FRYL: variants seen among roughly 807,000 people sequenced by gnomAD.
FRYL encodes the protein FRY like transcription coactivator.
A neutral mutation model predicts 351.2 loss-of-function variants in FRYL; 150 were observed. The observed-to-expected ratio is 0.43, with a 90% CI of 0.37 to 0.49. The LOEUF (loss-of-function observed/expected upper bound fraction) is 0.49. Among genes scored for constraint, FRYL ranks in the 20% least tolerant of loss-of-function variants. FRYL has a pLI of 0.00. For missense variants in FRYL, 3,036 were observed against 3,619.3 expected (o/e 0.84, Z 4.13); for synonymous variants, 1,153 against 1,257.1 (o/e 0.92, Z 1.75).
chr4:48,540,159 C>G (rs2148928656), intron 46 of FRYL, 91 bp from the exon 47 acceptor site: 5 of 1,196,390 alleles, frequency 4.2e-6, no homozygotes, highest in Middle Eastern at 2.1e-4. Flanking sequence ...TCACAGAAAC[C>G]ATTTTCTTTT....
intron 1 of FRYL, among the ~76,000 whole-genome samples, chr4:48,779,307 C>T (rs1367313327): frequency 6.6e-6 from 1 of 152,200 alleles, no homozygotes; most frequent in Non-Finnish European, 1.5e-5. Context: ...AGCAGGCAAT[C>T]TACAGGCCGA....
intron 3 of FRYL, among the ~76,000 whole-genome samples, chr4:48,676,001 C>T (rs974155365): frequency 7.2e-5 from 11 of 152,120 alleles, no homozygotes; most frequent in East Asian, 1.9e-4. Flanking sequence ...CCTGTGTGTC[C>T]AAACTCTGTA....
chr4:48,623,944 C>A (rs538207999), intron 4 of FRYL, among the ~76,000 whole-genome samples: 2 of 151,992 alleles, frequency 1.3e-5, no homozygotes, highest in South Asian at 4.2e-4. Context: ...CATGTGTTTA[C>A]CAGTGGGGAG....
At chr4:48,606,145 C>T (rs372713973) in intron 10 of FRYL, among the ~76,000 whole-genome samples, 1 of 149,842 alleles carries the variant, frequency 6.7e-6, no homozygotes, top group Non-Finnish European at 1.5e-5. Context: ...TGGTGGCAGG[C>T]GCCTGTAATC....
intron 19 of FRYL, 91 bp downstream of exon 19, chr4:48,586,530 C>T (rs1432912762): frequency 1.2e-6 from 1 of 814,904 alleles, no homozygotes; most frequent in Non-Finnish European, 2.1e-6. Context: ...TTTAACATCG[C>T]CTTTTTAGTG....
chr4:48,674,766 T>G (rs1256225304), intron 3 of FRYL, among the ~76,000 whole-genome samples: 1 of 131,192 alleles, frequency 7.6e-6, no homozygotes, highest in Non-Finnish European at 1.6e-5. Flanking sequence ...AATAGCAACA[T>G]TATACAGCTA....
At chr4:48,544,414 A>G (rs2148952577) in intron 43 of FRYL, among the ~76,000 whole-genome samples, 1 of 152,300 alleles carries the variant, frequency 6.6e-6, no homozygotes, top group East Asian at 1.9e-4. Context: ...GACATATACA[A>G]TTTGACTATG....
At chr4:48,714,727 A>C (rs1768543299) in intron 1 of FRYL, among the ~76,000 whole-genome samples, 1 of 151,116 alleles carries the variant, frequency 6.6e-6, no homozygotes, top group African/African-American at 2.4e-5. Flanking sequence ...TTCTGAAACT[A>C]TTCCAATCAA....
At chr4:48,697,230 ACTTT>A (rs1338955606) in intron 2 of FRYL, among the ~76,000 whole-genome samples, 1 of 152,044 alleles carries the variant, frequency 6.6e-6, no homozygotes, top group Non-Finnish European at 1.5e-5. Context: ...TATGACTCTT[ACTTT>A]CTTTCCATTT....
In FRYL at chr4:48,579,139, T is replaced by C. The variant is rs756620912; in HGVS notation, c.2362A>G (p.Ile788Val). The C allele has an allele frequency of 6.2e-6, 10 of 1,613,704 alleles. No individual in the cohort carries two copies. The South Asian group carries it at 6.6e-5, about 11-fold the overall frequency. Residue 788 changes from isoleucine (I) to valine (V), a missense_variant, in exon 23 of 64, where the codon ATA becomes GTA. This residue lies in a region of FRYL where 492 missense variants were observed against 551.5 expected (regional missense o/e 0.89). Coordinates refer to ENST00000358350, the MANE Select transcript of FRYL (RefSeq NM_015030.2). Reference protein sequence around the residue: ...HQFDVISPSHIWIFAHVTQGQ... With the variant: ...HQFDVISPSHVWIFAHVTQGQ... ...TGGGTCACATGTGCAAATATCCATA[T>C]ATGTGATGGACTAATCACATCAAAC...
intron 3 of FRYL, 78 bp downstream of exon 3, chr4:48,684,595 C>T (rs1291733617): frequency 6.6e-6 from 1 of 152,192 alleles, no homozygotes; most frequent in Admixed American, 6.5e-5. Flanking sequence ...TAGAACCTCA[C>T]AGCTAAAATA....
intron 16 of FRYL, among the ~76,000 whole-genome samples, chr4:48,592,082 T>TTATATATATATATATATCTATATATA (rs1743424045): frequency 8.6e-6 from 1 of 116,178 alleles, no homozygotes; most frequent in Non-Finnish European, 1.7e-5. Flanking sequence ...AATAAAGCTC[T>TTATATATATATATATATCTATATATA]TATATATATA....
Position 48,534,660 on chromosome 4 carries a change from A to G in FRYL, c.6590T>C (p.Met2197Thr). The G allele has an allele frequency of 6.4e-7, 1 of 1,569,198 alleles. No individual in the cohort carries two copies. The highest frequency in any genetic ancestry group is 8.8e-7 in the Non-Finnish European group (1 of 1,141,732). The change falls in exon 49 of 64, where the codon ATG becomes ACG. Residue 2197 changes from methionine (M) to threonine (T), a missense_variant. This residue lies in a region of FRYL where 1,987 missense variants were observed against 2,311.7 expected (regional missense o/e 0.86). Coordinates refer to ENST00000358350, the MANE Select transcript of FRYL (RefSeq NM_015030.2). ...AATAATCTGTAGTAATGATTGCTGC[A>G]TACTGGACAATCCTTTCTCTAACAG... is the stretch of plus-strand genomic sequence containing the variant. Reference protein sequence around the residue: ...AELLEKGLSSMQQSLLQIIYS... With the variant: ...AELLEKGLSSTQQSLLQIIYS...
At chr4:48,606,705 C>T in intron 9 of FRYL, 99 bp from the exon 10 acceptor site, 1 of 848,350 alleles carries the variant, frequency 1.2e-6, no homozygotes, top group South Asian at 3.0e-5. Context: ...ACCTAAATAT[C>T]ATCTCCTTTC....
At chr4:48,757,286 G>C (rs1773894835) in intron 1 of FRYL, among the ~76,000 whole-genome samples, 1 of 152,168 alleles carries the variant, frequency 6.6e-6, no homozygotes, top group Non-Finnish European at 1.5e-5. Flanking sequence ...ATTAGGAAAA[G>C]AGGAAGTCAA....
chr4:48,513,615 T>C (rs1333608477), intron 56 of FRYL, among the ~76,000 whole-genome samples: 8 of 152,182 alleles, frequency 5.3e-5, no homozygotes, highest in Admixed American at 3.3e-4. Context: ...TACAGAAATT[T>C]TGGAGCAATG....
At chr4:48,541,007 T>TTTTAC in intron 45 of FRYL, 47 bp from the exon 46 acceptor site, 1 of 1,439,200 alleles carries the variant, frequency 6.9e-7, no homozygotes, top group Non-Finnish European at 9.2e-7. Context: ...GTCACTTCTT[T>TTTTAC]TGCTAAATTA....
chr4:48,748,607 T>C (rs1772926823), intron 1 of FRYL, among the ~76,000 whole-genome samples: 1 of 152,072 alleles, frequency 6.6e-6, no homozygotes, highest in Non-Finnish European at 1.5e-5. Flanking sequence ...AGATGGGAAG[T>C]AGATACTTAT....
At chr4:48,705,805 T>A (rs1560885529) in intron 2 of FRYL, among the ~76,000 whole-genome samples, 1 of 152,144 alleles carries the variant, frequency 6.6e-6, no homozygotes, top group Non-Finnish European at 1.5e-5. Context: ...TGACCATACT[T>A]CCTGGTATTC....
Sources: allele counts gnomAD v4.1 joint callset (sites outside exome capture counted in the v4.1 genomes callset), GRCh38; gene constraint gnomAD v4.1.1; regional missense constraint gnomAD v4.1.1; transcripts MANE v1.5; gene names NCBI Gene and HGNC (gene_info 2026-07-23, HGNC 2026-07-21).